The following PSMG2 variants were observed in gnomAD, a reference collection of about 807,000 sequenced individuals.
PSMG2 encodes proteasome assembly chaperone 2.
In PSMG2, 21 loss-of-function variants were observed where a neutral mutation model predicts 31.5. The ratio of observed to expected loss-of-function variants is 0.67; its 90% CI spans 0.47 to 0.96. The LOEUF is 0.96. Ranked by LOEUF, PSMG2 falls within the 40% of genes least tolerant of loss-of-function variation. PSMG2 has a pLI of 0.00. For synonymous variants in PSMG2, 120 were observed against 110.4 expected, an observed-to-expected ratio of 1.09 and a Z score of -0.54; for missense variants, 318 against 321.2, an observed-to-expected ratio of 0.99 and a Z score of 0.08.
At chr18:12,670,484 A>G (rs569070896) in intron 1 of PSMG2, 1 of 152,186 alleles carries the variant, frequency 6.6e-6, no homozygotes, top group Non-Finnish European at 1.5e-5. Context: ...TTTGAAATAC[A>G]CGTTACTCTG....
intron 2 of PSMG2, among the ~76,000 whole-genome samples, chr18:12,708,854 C>CA (rs2040297852): frequency 7.5e-6 from 1 of 132,680 alleles, no homozygotes; most frequent in Non-Finnish European, 1.6e-5. Context: ...TACAGGTGCC[C>CA]ACCACCACAC....
intron 1 of PSMG2, 76 bp from the exon 2 acceptor site, chr18:12,706,474 C>CAG: frequency 6.7e-7 from 1 of 1,485,060 alleles, no homozygotes. Context: ...GAGACAGAGG[C>CAG]AGACTCTGTT....
chr18:12,665,554 G>A (rs1486964301), intron 1 of PSMG2, among the ~76,000 whole-genome samples: 1 of 152,036 alleles, frequency 6.6e-6, no homozygotes, highest in Non-Finnish European at 1.5e-5. Flanking sequence ...TGTAACCCTC[G>A]CTCCTACTCT....
chr18:12,694,204 G>T (rs2145084296), intron 1 of PSMG2, among the ~76,000 whole-genome samples: 1 of 152,292 alleles, frequency 6.6e-6, no homozygotes, highest in South Asian at 2.1e-4. Context: ...AGAGGGAGAT[G>T]AGAGTTTACA....
intron 1 of PSMG2, chr18:12,686,577 G>A: frequency 1.5e-6 from 1 of 663,480 alleles, no homozygotes; most frequent in Non-Finnish European, 2.5e-6. Context: ...CTTGTATCCA[G>A]TATTTGGCTG....
intron 1 of PSMG2, chr18:12,685,442 C>T (rs556597455): frequency 3.9e-5 from 6 of 152,246 alleles, no homozygotes; most frequent in African/African-American, 1.4e-4. Flanking sequence ...TAGGTCCCTA[C>T]ATCACAGAAA....
chr18:12,702,593 C>A, upstream of PSMG2: 3 of 1,581,106 alleles, frequency 1.9e-6, no homozygotes, highest in Non-Finnish European at 2.6e-6. Flanking sequence ...GCCTCAGATG[C>A]CCTAACTGCG....
chr18:12,725,582 C>A lies in PSMG2; in HGVS notation c.*51C>A. The A allele has an allele frequency of 7.3e-7, 1 of 1,364,034 alleles. No homozygotes were observed. Among genetic ancestry groups the A allele is most frequent in the Non-Finnish European group, 1.0e-6 (1 of 973,160 alleles). 84.5% of individuals were successfully genotyped at this position (1,364,034 alleles called of 1,614,324 possible). On this transcript the variant is annotated 3_prime_UTR_variant, in exon 7 of 7. Coordinates refer to ENST00000317615, the MANE Select transcript of PSMG2 (RefSeq NM_020232.5). Reference sequence around the variant, plus strand: ...CCCAAAACACTTACTACCAACACAGCTGTTAAACATTCTATACAAAAAAAT... The same window carrying A: ...CCCAAAACACTTACTACCAACACAGATGTTAAACATTCTATACAAAAAAAT...
chr18:12,714,377 T>G (rs549195647), intron 3 of PSMG2, among the ~76,000 whole-genome samples: 30 of 152,280 alleles, frequency 2.0e-4, no homozygotes, highest in South Asian at 8.3e-4. Flanking sequence ...GTCTTTCCAC[T>G]AGCTTCTCTG....
chr18:12,671,357 G>A (rs1568006891), intron 1 of PSMG2, among the ~76,000 whole-genome samples: 1 of 151,918 alleles, frequency 6.6e-6, no homozygotes. Flanking sequence ...ATAGCCAACT[G>A]GTATAGAGTT....
intron 1 of PSMG2, chr18:12,697,072 A>G: frequency 3.6e-6 from 2 of 548,216 alleles, no homozygotes; most frequent in Non-Finnish European, 6.3e-6. Flanking sequence ...ATTTCTCAAG[A>G]TTAGGATGCT....
At chr18:12,703,488 C>G (rs554917234) in intron 1 of PSMG2, among the ~76,000 whole-genome samples, 2 of 152,200 alleles carry the variant, frequency 1.3e-5, no homozygotes, top group Non-Finnish European at 1.5e-5. Flanking sequence ...CTTTCTACGA[C>G]TAGTTTTAGA....
chr18:12,705,889 A>G (rs140130016), intron 1 of PSMG2, among the ~76,000 whole-genome samples: 9 of 152,300 alleles, frequency 5.9e-5, no homozygotes, highest in African/African-American at 2.2e-4. Context: ...TTTTCTCCGT[A>G]GCAATTACCA....
At chr18:12,724,437 A>G in intron 5 of PSMG2, 62 bp from the exon 6 acceptor site, 1 of 1,431,164 alleles carries the variant, frequency 7.0e-7, no homozygotes, top group Non-Finnish European at 9.3e-7. Context: ...AAAAACAGAC[A>G]CACTAGAGTC....
chr18:12,687,103 T>C (rs544073886), intron 1 of PSMG2, among the ~76,000 whole-genome samples: 16 of 152,276 alleles, frequency 1.1e-4, no homozygotes, highest in Non-Finnish European at 2.4e-4. Context: ...ACAGTGAGTA[T>C]TACCAAAGTC....
At chr18:12,721,262 A>G (rs980715711) in intron 5 of PSMG2, among the ~76,000 whole-genome samples, 4 of 152,228 alleles carry the variant, frequency 2.6e-5, no homozygotes, top group African/African-American at 9.7e-5. Flanking sequence ...ACTTGGTTAT[A>G]GAAGAACTGG....
upstream of PSMG2, chr18:12,702,652 G>A: frequency 7.5e-7 from 1 of 1,326,750 alleles, no homozygotes; most frequent in Non-Finnish European, 1.0e-6. Flanking sequence ...AGCACAAAGC[G>A]CCGCAGCCGT....
Position 12,720,048 on chromosome 18 carries a change from T to A in PSMG2, c.408-462T>A, listed in dbSNP as rs532111701. Among the ~76,000 whole-genome samples the A allele has an allele frequency of 1.8e-3, 276 of 152,138 alleles. 1 individual carries two copies. The highest frequency in any genetic ancestry group is 6.4e-3 in the African/African-American group (267 of 41,498). ...TGTAGCATTTAGATCATTTATTTTT[T>A]ATTTTTTATTCTTTTGGGGATGGAG... On this transcript the variant is annotated intron_variant, in intron 4 of 6. Coordinates refer to ENST00000317615, the MANE Select transcript of PSMG2 (RefSeq NM_020232.5).
At chr18:12,690,048 C>G (rs1031986635) in intron 1 of PSMG2, among the ~76,000 whole-genome samples, 30 of 152,118 alleles carry the variant, frequency 2.0e-4, no homozygotes, top group African/African-American at 7.0e-4. Flanking sequence ...CTCGGCCTCC[C>G]CAAGTGCTGG....
Sources: allele counts gnomAD v4.1 joint callset (sites outside exome capture counted in the v4.1 genomes callset), GRCh38; gene constraint gnomAD v4.1.1; transcripts MANE v1.5; gene names NCBI Gene and HGNC (gene_info 2026-07-23, HGNC 2026-07-21).